Variants in PDE3B observed in about 807,000 individuals in gnomAD.
PDE3B encodes cGMP-inhibited 3',5'-cyclic phosphodiesterase 3B.
A neutral mutation model predicts 116.8 loss-of-function variants in PDE3B; 66 were observed. The ratio of observed to expected loss-of-function variants is 0.56; its 90% CI spans 0.46 to 0.69. The LOEUF (loss-of-function observed/expected upper bound fraction) is 0.69, where lower values mean the gene tolerates loss of function less well. Among genes scored for constraint, PDE3B ranks in the 30% least tolerant of loss-of-function variants. PDE3B has a pLI of 0.00. For missense variants in PDE3B, 1,384 were observed against 1,368.1 expected, an observed-to-expected ratio of 1.01 and a Z score of -0.18; for synonymous variants, 595 against 533.6, an observed-to-expected ratio of 1.12 and a Z score of -1.59.
At chr11:14,692,314 G>C (rs1173737272) in intron 1 of PDE3B, among the ~76,000 whole-genome samples, 1 of 152,012 alleles carries the variant, frequency 6.6e-6, no homozygotes, top group Non-Finnish European at 1.5e-5. Context: ...CTACACCATA[G>C]GTTTGTTGCA....
chr11:14,726,706 T>C (rs540629741), intron 1 of PDE3B, among the ~76,000 whole-genome samples: 3 of 152,322 alleles, frequency 2.0e-5, no homozygotes, highest in African/African-American at 7.2e-5. Context: ...GGATAATGCT[T>C]ACAGGCTGGA....
Position 14,643,932 on chromosome 11 carries a change from C to A in PDE3B, c.-144C>A. On this transcript the variant is annotated 5_prime_UTR_variant, in exon 1 of 16. Transcript: ENST00000282096. ...GCTCCTCAGTCCGCGCGGTGGGGAC[C>A]CCGGGCCGTGGCGGCCGGCGCAGCC... 1 of 1,251,500 alleles carries A rather than the reference C, an allele frequency of 8.0e-7. No homozygotes were observed. Among genetic ancestry groups the A allele is most frequent in the East Asian group, 3.1e-5 (1 of 32,286 alleles). 77.5% of individuals were successfully genotyped at this position (1,251,500 alleles called of 1,614,324 possible).
intron 4 of PDE3B, among the ~76,000 whole-genome samples, chr11:14,800,588 A>G (rs1323512976): frequency 2.6e-5 from 4 of 151,812 alleles, no homozygotes; most frequent in Non-Finnish European, 4.4e-5. Context: ...TGCCCTTAAC[A>G]TTTTTTCCTT....
the PDE3B span, among the ~76,000 whole-genome samples, chr11:14,889,491 C>G: frequency 6.6e-6 from 1 of 152,202 alleles, no homozygotes; most frequent in Admixed American, 6.5e-5. Context: ...CAAACAATGT[C>G]TACTCTTTGA....
chr11:14,846,677 A>G (rs1327629111), intron 12 of PDE3B, among the ~76,000 whole-genome samples: 1 of 152,196 alleles, frequency 6.6e-6, no homozygotes, highest in Non-Finnish European at 1.5e-5. Context: ...AAAAAAAGGC[A>G]GGGGTTGCAA....
the PDE3B span, among the ~76,000 whole-genome samples, chr11:14,882,173 A>G: frequency 1.3e-5 from 2 of 152,108 alleles, no homozygotes; most frequent in African/African-American, 4.8e-5. Context: ...TGTTCCAGGC[A>G]ATGTTCTAAG....
intron 4 of PDE3B, among the ~76,000 whole-genome samples, chr11:14,800,727 CT>C (rs1858729609): frequency 6.6e-6 from 1 of 152,186 alleles, no homozygotes; most frequent in South Asian, 2.1e-4. Flanking sequence ...GGGATGTTCT[CT>C]TGGATAATAT....
chr11:14,745,124 G>A (rs981762220), intron 1 of PDE3B, among the ~76,000 whole-genome samples: 7 of 152,094 alleles, frequency 4.6e-5, no homozygotes, highest in African/African-American at 1.7e-4. Flanking sequence ...TGCACCAGCC[G>A]AAGGTAGCTT....
chr11:14,791,370 T>C (rs1395502068), intron 4 of PDE3B, among the ~76,000 whole-genome samples: 1 of 152,098 alleles, frequency 6.6e-6, no homozygotes, highest in Non-Finnish European at 1.5e-5. Flanking sequence ...AGCCTATGCC[T>C]GATACCAGGT....
intron 1 of PDE3B, among the ~76,000 whole-genome samples, chr11:14,659,626 T>G (rs1853829673): frequency 6.6e-6 from 1 of 152,208 alleles, no homozygotes; most frequent in African/African-American, 2.4e-5. Flanking sequence ...CTAGTACCCA[T>G]TAGTTATTTT....
At chr11:14,703,402 G>GCCC (rs1427028735) in intron 1 of PDE3B, among the ~76,000 whole-genome samples, 8 of 151,272 alleles carry the variant, frequency 5.3e-5, no homozygotes, top group Non-Finnish European at 8.9e-5. Context: ...ATTCAACTAA[G>GCCC]CCCTGTAGGG....
rs1590206634 is a variant in PDE3B, at chr11:14,870,176, A to G, written c.*516A>G. ...TGCCTTTCTGAGGGATTTCTGCTCAATGCAATACACTGTTCAGTGCTATTC... is the reference window on the plus strand; with the variant it reads ...TGCCTTTCTGAGGGATTTCTGCTCAGTGCAATACACTGTTCAGTGCTATTC... On this transcript the variant is annotated 3_prime_UTR_variant, in exon 16 of 16. Transcript: ENST00000282096. This position sits in a 1 kb window ranked among gnomAD's most constrained non-coding sequence, Gnocchi z 4.1. 6.5e-6 allele frequency: 1 copy of G among 154,364 alleles called. No individual in the cohort carries two copies. Among genetic ancestry groups the G allele is most frequent in the Non-Finnish European group, 1.4e-5 (1 of 69,548 alleles). 9.6% of individuals were successfully genotyped at this position (154,364 alleles called of 1,614,324 possible).
chr11:14,789,017 G>T, intron 3 of PDE3B, 89 bp from the exon 4 acceptor site: 2 of 880,272 alleles, frequency 2.3e-6, no homozygotes, highest in Non-Finnish European at 3.4e-6. Flanking sequence ...AATATACTTT[G>T]TATTGATACT....
the PDE3B span, among the ~76,000 whole-genome samples, chr11:14,888,832 T>C: frequency 2.2e-4 from 33 of 152,224 alleles, no homozygotes; most frequent in Non-Finnish European, 3.4e-4. Flanking sequence ...CTACTTGCTT[T>C]AATGGAATTA....
chr11:14,854,178 C>A (rs1225554204), intron 12 of PDE3B, among the ~76,000 whole-genome samples: 1 of 152,148 alleles, frequency 6.6e-6, no homozygotes, highest in Non-Finnish European at 1.5e-5. Context: ...ACCCCAGAGA[C>A]TCCTGTTACC....
At chr11:14,694,227 A>C (rs754299829) in intron 1 of PDE3B, among the ~76,000 whole-genome samples, 25 of 152,222 alleles carry the variant, frequency 1.6e-4, no homozygotes, top group Admixed American at 1.2e-3. Flanking sequence ...CATTGTTGAA[A>C]TGACAACAAT....
chr11:14,708,603 A>G (rs1421828950), intron 1 of PDE3B, among the ~76,000 whole-genome samples: 1 of 152,096 alleles, frequency 6.6e-6, no homozygotes, highest in African/African-American at 2.4e-5. Context: ...AAATTGTACT[A>G]GTACAGTAAA....
chr11:14,727,662 G>A (rs921776346), intron 1 of PDE3B, among the ~76,000 whole-genome samples: 1 of 152,052 alleles, frequency 6.6e-6, no homozygotes, highest in African/African-American at 2.4e-5. Flanking sequence ...ATAATCAAAT[G>A]TTAGGGCTAG....
intron 1 of PDE3B, among the ~76,000 whole-genome samples, chr11:14,755,325 C>A (rs982538066): frequency 1.3e-5 from 2 of 152,140 alleles, no homozygotes; most frequent in African/African-American, 4.8e-5. Flanking sequence ...TAGGGATTTT[C>A]CGTATTTCAA....
Sources: allele counts gnomAD v4.1 joint callset (sites outside exome capture counted in the v4.1 genomes callset), GRCh38; gene constraint gnomAD v4.1.1; non-coding constraint Gnocchi (gnomAD v3.1); transcripts MANE v1.5; gene names NCBI Gene and HGNC (gene_info 2026-07-23, HGNC 2026-07-21).